The following SLC49A3 variants were observed in gnomAD, a reference collection of about 807,000 sequenced individuals.
SLC49A3 encodes solute carrier family 49 member 3.
A neutral mutation model predicts 43.8 loss-of-function variants in SLC49A3; 50 were observed. The ratio of observed to expected loss-of-function variants is 1.14; its 90% CI spans 0.91 to 1.45. SLC49A3 has a LOEUF of 1.45. SLC49A3 is among the 40% of genes most tolerant of loss of function. SLC49A3 has a pLI of 0.00. For synonymous variants in SLC49A3, 413 were observed against 352.0 expected, an observed-to-expected ratio of 1.17 and a Z score of -1.94; for missense variants, 906 against 774.1, an observed-to-expected ratio of 1.17 and a Z score of -2.02.
At position 689,005 on chromosome 4, in the gene SLC49A3, G is replaced by A. The variant is rs753420649; in HGVS notation, c.123C>T (p.Cys41=). 6.3e-6 allele frequency: 10 copies of A among 1,595,788 alleles called. No individual in the cohort carries two copies. Among genetic ancestry groups the A allele is most frequent in the Non-Finnish European group, 7.7e-6 (9 of 1,173,138 alleles). Residue 41 remains cysteine (C), a synonymous_variant, in exon 1 of 10, where the codon TGC becomes TGT. Coordinates refer to ENST00000322224, the MANE Select transcript of SLC49A3 (RefSeq NM_032219.4). ...CCCCTGCCCCTACCGTGGCGTTGGA[G>A]CAGTTGAGCAGGCTGATCGCGAGCA... is the stretch of plus-strand genomic sequence containing the variant. The part of the protein sequence containing the change: ...VFLLAISLLN[C]SNATLWLSFA...
chr4:678,647 T>A (rs1295345261), downstream of SLC49A3: 1 of 1,598,334 alleles, frequency 6.3e-7, no homozygotes, highest in African/African-American at 1.3e-5. Flanking sequence ...GCCATGGTGC[T>A]CCCACCGCAG....
At position 684,873 on chromosome 4, in the gene SLC49A3, G is replaced by A; in HGVS notation, c.586-17C>T. On this transcript the variant is annotated splice_polypyrimidine_tract_variant and intron_variant, in intron 4 of 9. Coordinates refer to ENST00000322224, the MANE Select transcript of SLC49A3 (RefSeq NM_032219.4). The stretch of plus-strand genomic sequence containing the variant: ...GACACCGAGCTGGGGAGGGGTGTGT[G>A]TGCACAAGGAGACCACGCAGACTGG... 1 of 1,608,232 alleles carries A rather than the reference G, an allele frequency of 6.2e-7. No homozygotes were observed. The highest frequency in any genetic ancestry group is 8.5e-7 in the Non-Finnish European group (1 of 1,178,616).
chr4:680,390 G>A, downstream of SLC49A3: 1 of 1,075,292 alleles, frequency 9.3e-7, no homozygotes, highest in African/African-American at 1.6e-5. Flanking sequence ...GCCACCTTGT[G>A]GGCAGAGGCT....
At chr4:683,119 G>C (rs1740160521) in intron 8 of SLC49A3, 91 bp downstream of exon 8, 1 of 1,525,586 alleles carries the variant, frequency 6.6e-7, no homozygotes, top group African/African-American at 1.4e-5. Context: ...CCCCGAAAAG[G>C]GGCCTGGACC....
Position 685,878 on chromosome 4 carries a change from A to G in SLC49A3, c.542T>C (p.Leu181Pro), listed in dbSNP as rs1350230728. The G allele has an allele frequency of 1.9e-6, 3 of 1,613,990 alleles. No homozygotes were observed. Among genetic ancestry groups the G allele is most frequent in the Admixed American group, 1.7e-5 (1 of 60,020 alleles). ...ACCCTTCTTGACCAGCACAGGGGAC[A>G]GCACATTGGCCACAAGGACGCCCAG... ...NPLGVLVANV[L>P]SPVLVKKGED... The change falls in exon 4 of 10, where the codon CTG (leucine) becomes CCG (proline). Residue 181 changes from leucine (L) to proline (P), a missense_variant. Leu to Pro is a moderately conservative substitution (Grantham distance 98). Transcript: ENST00000322224. The surrounding 1 kb of genome is among the most constrained non-coding windows in gnomAD (Gnocchi z 4.3).
chr4:680,620 TC>T (rs775498033), downstream of SLC49A3: 5 of 1,602,580 alleles, frequency 3.1e-6, no homozygotes, highest in Admixed American at 6.8e-5. Context: ...CGGCCCGGCT[TC>T]CGGGGAACCC....
chr4:682,302 G>A lies in SLC49A3; in HGVS notation c.1336C>T (p.Arg446Trp), dbSNP rs751487262. ...ILAVFFHTPY[R>W]RLQAESGEPP... Reference sequence around the variant, plus strand: ...TCCCCAGACTCGGCCTGCAGGCGCCGGTATGGGGTGTGGAAGAAGACCGCC... The same window carrying A: ...TCCCCAGACTCGGCCTGCAGGCGCCAGTATGGGGTGTGGAAGAAGACCGCC... Residue 446 changes from arginine to tryptophan, a missense_variant, in exon 10 of 10, where the codon CGG becomes TGG. Coordinates refer to ENST00000322224, the MANE Select transcript of SLC49A3 (RefSeq NM_032219.4). 1.9e-5 allele frequency: 25 copies of A among 1,351,296 alleles called. No individual in the cohort carries two copies. Among genetic ancestry groups the A allele is most frequent in the South Asian group, 8.5e-5 (4 of 47,184 alleles). The allele number at this position is 1,351,296 out of a possible 1,614,324, so 83.7% of individuals were successfully genotyped here.
chr4:678,581 GTC>G, downstream of SLC49A3: 1 of 1,535,662 alleles, frequency 6.5e-7, no homozygotes, highest in South Asian at 1.2e-5. Context: ...TCTGAGTTAA[GTC>G]TCTCAAAACT....
At chr4:681,134 G>A (rs3208632), downstream of SLC49A3, 14 of 1,606,284 alleles carry the variant, frequency 8.7e-6, no homozygotes, top group South Asian at 1.1e-5. Context: ...AGATGACGGC[G>A]GAAGAGGTCT....
chr4:681,545 C>G (rs1180396350), downstream of SLC49A3, among the ~76,000 whole-genome samples: 1 of 149,046 alleles, frequency 6.7e-6, no homozygotes, highest in Non-Finnish European at 1.5e-5. Flanking sequence ...CTCCCCGACG[C>G]TGCTGAAGGG....
downstream of SLC49A3, chr4:678,433 G>T (rs1739075789): frequency 3.5e-6 from 5 of 1,424,532 alleles, no homozygotes; most frequent in Non-Finnish European, 4.6e-6. Context: ...GGAAGCCACT[G>T]TCCCTCCCCC....
At chr4:678,643 G>A (rs774185756), downstream of SLC49A3, 41 of 1,595,606 alleles carry the variant, frequency 2.6e-5, 1 homozygote, top group Non-Finnish European at 3.4e-5. Flanking sequence ...CTCAGCCATG[G>A]TGCTCCCACC....
Position 685,257 on chromosome 4 carries a change from C to G in SLC49A3, c.586-401G>C, listed in dbSNP as rs1421070439. The stretch of plus-strand genomic sequence containing the variant: ...ACAAACACACCACCCGCACCTGATA[C>G]ACATGCACGAGCACACACAGGTACA... On this transcript the variant is annotated intron_variant, in intron 4 of 9. Coordinates refer to ENST00000322224, the MANE Select transcript of SLC49A3 (RefSeq NM_032219.4). This position sits in a 1 kb window ranked among gnomAD's most constrained non-coding sequence, Gnocchi z 4.3. 6.6e-6 allele frequency among the ~76,000 whole-genome samples: 1 copy of G among 152,156 alleles called. No homozygotes were observed. The highest frequency in any genetic ancestry group is 1.5e-5 in the Non-Finnish European group (1 of 68,036).
At position 684,803 on chromosome 4, in the gene SLC49A3, G is replaced by A; in HGVS notation, c.639C>T (p.Cys213=). The change falls in exon 5 of 10, where the codon TGC becomes TGT. Residue 213 remains cysteine, a synonymous_variant. Coordinates refer to ENST00000322224, the MANE Select transcript of SLC49A3 (RefSeq NM_032219.4). ...AGVVCLLSTI[C]LWESVPPTPP... is the part of the protein sequence containing the mutation. ...GGGTGGGGGGCACACTCTCCCACAG[G>A]CAGATGGTGGACAGCAGGCAGACGA... 1 of 1,612,576 alleles carries A rather than the reference G, an allele frequency of 6.2e-7. No individual in the cohort carries two copies. Among genetic ancestry groups the A allele is most frequent in the East Asian group, 2.2e-5 (1 of 44,890 alleles).
chr4:677,148 C>T (rs913551951), downstream of SLC49A3, among the ~76,000 whole-genome samples: 5 of 152,200 alleles, frequency 3.3e-5, no homozygotes, highest in African/African-American at 1.2e-4. Context: ...CTGCGTCCCA[C>T]GCAGACGCAG....
At chr4:681,124 A>G, downstream of SLC49A3, 2 of 1,607,432 alleles carry the variant, frequency 1.2e-6, no homozygotes, top group South Asian at 1.1e-5. Context: ...CAGGCTGACA[A>G]GATGACGGCG....
chr4:678,582 T>C (rs987363462), downstream of SLC49A3: 9 of 1,535,872 alleles, frequency 5.9e-6, no homozygotes, highest in African/African-American at 1.2e-4. Context: ...CTGAGTTAAG[T>C]CTCTCAAAAC....
downstream of SLC49A3, chr4:680,926 CCT>C (rs1194496887): frequency 9.5e-5 from 73 of 772,240 alleles, no homozygotes; most frequent in East Asian, 1.9e-3. Flanking sequence ...AGTGATGGCC[CCT>C]GAGTGTGTGT....
Position 688,783 on chromosome 4 carries a change from G to A in SLC49A3, c.135+210C>T, listed in dbSNP as rs140818975. 2.3e-5 allele frequency: 15 copies of A among 656,894 alleles called. No homozygotes were observed. The East Asian group carries it at 4.2e-4, about 19-fold the overall frequency. 40.7% of individuals were successfully genotyped at this position (656,894 alleles called of 1,614,324 possible). On this transcript the variant is annotated intron_variant, in intron 1 of 9. Transcript: ENST00000322224. ...GGACTCCGTGACTGGCAGATCCCCC[G>A]GGGCACCCAGCCCTGCTCTGTGCCC...
Sources: allele counts gnomAD v4.1 joint callset (sites outside exome capture counted in the v4.1 genomes callset), GRCh38; gene constraint gnomAD v4.1.1; non-coding constraint Gnocchi (gnomAD v3.1); transcripts MANE v1.5; gene names NCBI Gene and HGNC (gene_info 2026-07-23, HGNC 2026-07-21).